The following ZBTB24 variants were observed in gnomAD, a reference collection of about 807,000 sequenced individuals.
ZBTB24 encodes the protein zinc finger and BTB domain containing 24.
Under a neutral mutation model 53.8 loss-of-function variants are expected in ZBTB24, and 32 were observed. The ratio of observed to expected loss-of-function variants is 0.60; its 90% CI spans 0.45 to 0.80. The LOEUF (loss-of-function observed/expected upper bound fraction) is 0.80, where lower values mean the gene tolerates loss of function less well. Among genes scored for constraint, ZBTB24 ranks in the 30% least tolerant of loss-of-function variants. The pLI, the probability that ZBTB24 is intolerant of heterozygous loss-of-function variation, is 0.00. For missense variants in ZBTB24, 722 were observed against 837.1 expected, an observed-to-expected ratio of 0.86 and a Z score of 1.70; for synonymous variants, 297 against 306.7, an observed-to-expected ratio of 0.97 and a Z score of 0.33.
chr6:109,475,589 G>A (rs1354433873), intron 4 of ZBTB24, 107 bp from the exon 5 acceptor site: 14 of 1,376,636 alleles, frequency 1.0e-5, no homozygotes, highest in Non-Finnish European at 1.3e-5. Context: ...TTTAAATATA[G>A]TACTTTAACC....
chr6:109,465,632 A>G lies in ZBTB24; in HGVS notation c.*219T>C, dbSNP rs2232451. On this transcript the variant is annotated 3_prime_UTR_variant, in exon 7 of 7. Transcript: ENST00000230122. ...TGCAGATTAAAATGAAAACCATTCA[A>G]TAATATTGAAATGCTCAATACAAAT... The G allele has an allele frequency of 3.4e-3, 5,251 of 1,540,430 alleles. 174 individuals carry two copies. The African/African-American group carries it at 0.064, about 19-fold the overall frequency.
chr6:109,476,061 T>C (rs748989777), intron 4 of ZBTB24, 114 bp downstream of exon 4: 47 of 1,167,784 alleles, frequency 4.0e-5, no homozygotes, highest in Non-Finnish European at 4.4e-5. Context: ...TTTCCCTAAA[T>C]ACCCTATGTG....
rs1000695429 is a variant in ZBTB24 at position 109,476,808 on chromosome 6, G to C, written c.1075C>G (p.Leu359Val). ...PYTCTVCSKA[L>V]TTKHSLLEHM... ...TCCAGCAGTGAGTGCTTGGTGGTCA[G>C]AGCCTTGCTGCACACGGTGCAGGTG... Residue 359 changes from leucine to valine, a missense_variant, in exon 3 of 7, where the codon CTG becomes GTG. Transcript: ENST00000230122. The C allele has an allele frequency of 6.2e-7, 1 of 1,614,018 alleles. No individual in the cohort carries two copies. Among genetic ancestry groups the C allele is most frequent in the Non-Finnish European group, 8.5e-7 (1 of 1,180,002 alleles).
At chr6:109,479,281 C>CTTTT in intron 2 of ZBTB24, among the ~76,000 whole-genome samples, 1 of 152,252 alleles carries the variant, frequency 6.6e-6, no homozygotes, top group Non-Finnish European at 1.5e-5. Context: ...TCTAACAAAC[C>CTTTT]CATCATACTG....
intron 5 of ZBTB24, among the ~76,000 whole-genome samples, chr6:109,469,283 G>A (rs781434613): frequency 8.5e-5 from 13 of 152,232 alleles, no homozygotes; most frequent in Non-Finnish European, 1.8e-4. Context: ...GTTTGCTTGT[G>A]ATTGTAAAAT....
Position 109,476,834 on chromosome 6 carries a change from T to A in ZBTB24, c.1049A>T (p.Tyr350Phe). Residue 350 changes from tyrosine to phenylalanine, a missense_variant, in exon 3 of 7, where the codon TAC (tyrosine) becomes TTC (phenylalanine). By Grantham distance (22) the Tyr-to-Phe change is conservative. Transcript: ENST00000230122. ...AGCCTTGCTGCACACGGTGCAGGTG[T>A]ACGGCCGCTCGCCTGTGTGCATCCT... is the stretch of plus-strand genomic sequence containing the variant. ...HTRMHTGERP[Y>F]TCTVCSKALT... 1 of 1,614,172 alleles carries A rather than the reference T, an allele frequency of 6.2e-7. No homozygotes were observed. Among genetic ancestry groups the A allele is most frequent in the Non-Finnish European group, 8.5e-7 (1 of 1,180,020 alleles).
At chr6:109,478,075 A>G (rs1334795118) in intron 2 of ZBTB24, among the ~76,000 whole-genome samples, 2 of 152,338 alleles carry the variant, frequency 1.3e-5, no homozygotes, top group African/African-American at 4.8e-5. Context: ...GCCTTAAAGC[A>G]TGACAAAATA....
chr6:109,481,143 C>G lies in ZBTB24; in HGVS notation c.884G>C (p.Arg295Pro), dbSNP rs745712680. The change falls in exon 2 of 7, where the codon CGC becomes CCC. Residue 295 changes from arginine (R) to proline (P), a missense_variant. Coordinates refer to ENST00000230122, the MANE Select transcript of ZBTB24 (RefSeq NM_014797.3). ...AAAGACCTTGCCACAGTCTTTACAG[C>G]GGGCCTCAGGGCCTCCAGGGCGCTT... ...RRKRPGGPEA[R>P]CKDCGKVFKY... 6.2e-7 allele frequency: 1 copy of G among 1,614,192 alleles called. No homozygotes were observed. Among genetic ancestry groups the G allele is most frequent in the African/African-American group, 1.3e-5 (1 of 75,044 alleles).
chr6:109,475,471 G>C lies in ZBTB24; in HGVS notation c.1216C>G (p.Pro406Ala). The C allele has an allele frequency of 6.2e-7, 1 of 1,614,124 alleles. No individual in the cohort carries two copies. Among genetic ancestry groups the C allele is most frequent in the Non-Finnish European group, 8.5e-7 (1 of 1,180,036 alleles). Reference sequence around the variant, plus strand: ...TTGCGATGGCAGTCTTTGCATTCCGGTAATGAGTGGCCTTGTCGCAACAAT... The same window carrying C: ...TTGCGATGGCAGTCTTTGCATTCCGCTAATGAGTGGCCTTGTCGCAACAAT... ...HYRVHTGHSL[P>A]ECKDCHRKFM... is the part of the protein sequence containing the mutation. The change falls in exon 5 of 7, where the codon CCG becomes GCG. Residue 406 changes from proline (P) to alanine (A), a missense_variant. Transcript: ENST00000230122.
In ZBTB24 at chr6:109,482,053, A is replaced by G. The variant is rs896447319; in HGVS notation, c.-27T>C. On this transcript the variant is annotated splice_region_variant and 5_prime_UTR_variant, in exon 2 of 7. Transcript: ENST00000230122. ...TTCTTCAGAAGCCACTAAGGGTTAAATCTGAAATAAGAAAACAAGGTTTAA... is the reference window on the plus strand; with the variant it reads ...TTCTTCAGAAGCCACTAAGGGTTAAGTCTGAAATAAGAAAACAAGGTTTAA... 1.2e-6 allele frequency: 2 copies of G among 1,603,470 alleles called. No homozygotes were observed. Among genetic ancestry groups the G allele is most frequent in the African/African-American group, 2.7e-5 (2 of 74,716 alleles).
At chr6:109,476,621 C>CA (rs1776282944) in intron 3 of ZBTB24, 142 bp downstream of exon 3, 1 of 1,225,684 alleles carries the variant, frequency 8.2e-7, no homozygotes, top group African/African-American at 1.5e-5. Flanking sequence ...AAACTGCACT[C>CA]AGACAGATGC....
At chr6:109,476,279 C>A in intron 3 of ZBTB24, 21 bp from the exon 4 acceptor site, 2 of 1,613,232 alleles carry the variant, frequency 1.2e-6, no homozygotes, top group Non-Finnish European at 1.7e-6. Flanking sequence ...AACCAAAACA[C>A]TAAAACATGT....
In ZBTB24 at chr6:109,466,134, T is replaced by C. The variant is rs767566292; in HGVS notation, c.1811A>G (p.Asn604Ser). The change falls in exon 7 of 7, where the codon AAT (asparagine) becomes AGT (serine). Residue 604 changes from asparagine (N) to serine (S), a missense_variant. Coordinates refer to ENST00000230122, the MANE Select transcript of ZBTB24 (RefSeq NM_014797.3). ...LLTQQPEQLQ[N>S]LILSAQQEQT... is the part of the protein sequence containing the mutation. ...CTCCTGTTGAGCTGAAAGAATTAAA[T>C]TCTGCAGTTGCTCTGGCTGCTGCGT... 1 of 1,614,254 alleles carries C rather than the reference T, an allele frequency of 6.2e-7. No homozygotes were observed. Among genetic ancestry groups the C allele is most frequent in the Admixed American group, 1.7e-5 (1 of 60,028 alleles).
chr6:109,476,588 T>C (rs1457308326), intron 3 of ZBTB24, among the ~76,000 whole-genome samples, 175 bp downstream of exon 3: 2 of 152,224 alleles, frequency 1.3e-5, no homozygotes, highest in African/African-American at 2.4e-5. Context: ...TAAGCTCTAG[T>C]TTAATGATCC....
chr6:109,466,358 A>G lies in ZBTB24; in HGVS notation c.1587T>C (p.Asn529=), dbSNP rs1229845472. 1.2e-6 allele frequency: 2 copies of G among 1,614,218 alleles called. No homozygotes were observed. Among genetic ancestry groups the G allele is most frequent in the Admixed American group, 1.7e-5 (1 of 60,030 alleles). ...GAAGAATATTCCTGACCTCTTCTGT[A>G]TTACTACTGCCAGAAATGCTGCTGG... ...SDASSISGSS[N]TEEVRNILQL... Residue 529 remains asparagine, a synonymous_variant, in exon 7 of 7, where the codon AAT becomes AAC. Transcript: ENST00000230122.
In ZBTB24 at chr6:109,481,344, T is replaced by C; in HGVS notation, c.683A>G (p.Glu228Gly). The C allele has an allele frequency of 6.2e-7, 1 of 1,614,216 alleles. No individual in the cohort carries two copies. Among genetic ancestry groups the C allele is most frequent in the Middle Eastern group, 1.6e-4 (1 of 6,062 alleles). Reference sequence around the variant, plus strand: ...ATCTTTTTCAACTGGCATTTCCTCCTCTCTACTTGGCTCACAAGTAGGCTC... The same window carrying C: ...ATCTTTTTCAACTGGCATTTCCTCCCCTCTACTTGGCTCACAAGTAGGCTC... Reference protein sequence around the residue: ...ESEPTCEPSREEEMPVEKDEN... With the variant: ...ESEPTCEPSRGEEMPVEKDEN... The change falls in exon 2 of 7, where the codon GAG becomes GGG. Residue 228 changes from glutamate (E) to glycine (G), a missense_variant. By Grantham distance (98) the Glu-to-Gly change is moderately conservative. Coordinates refer to ENST00000230122, the MANE Select transcript of ZBTB24 (RefSeq NM_014797.3).
chr6:109,481,097 T>G lies in ZBTB24; in HGVS notation c.930A>C (p.Ala310=). 6.2e-7 allele frequency: 1 copy of G among 1,614,156 alleles called. No individual in the cohort carries two copies. The highest frequency in any genetic ancestry group is 2.2e-5 in the East Asian group (1 of 44,880). Residue 310 remains alanine, a synonymous_variant, in exon 2 of 7, where the codon GCA becomes GCC. Transcript: ENST00000230122. The stretch of plus-strand genomic sequence containing the variant: ...TACCTGTGTGGCTCCTCTGGTGGAT[T>G]GCTAAAAAGTGATTGTACTTAAAGA... ...GKVFKYNHFL[A]IHQRSHTGER... is the part of the protein sequence containing the mutation.
At chr6:109,477,176 C>T (rs1418629535) in intron 2 of ZBTB24, among the ~76,000 whole-genome samples, 1 of 152,142 alleles carries the variant, frequency 6.6e-6, no homozygotes, top group Non-Finnish European at 1.5e-5. Flanking sequence ...CACTCTATCA[C>T]CCAGGCTGGA....
At chr6:109,466,804 C>T (rs924838088) in intron 6 of ZBTB24, among the ~76,000 whole-genome samples, 13 of 151,860 alleles carry the variant, frequency 8.6e-5, no homozygotes, top group South Asian at 2.1e-4. Flanking sequence ...AGATGGGGCA[C>T]GGCTATATAT....
Sources: allele counts gnomAD v4.1 joint callset (sites outside exome capture counted in the v4.1 genomes callset), GRCh38; gene constraint gnomAD v4.1.1; transcripts MANE v1.5; gene names NCBI Gene and HGNC (gene_info 2026-07-23, HGNC 2026-07-21).